The following PUM2 variants were observed in gnomAD, a reference collection of about 807,000 sequenced individuals.
PUM2 encodes the protein pumilio RNA binding family member 2, also known as pumilio homolog 2.
PUM2 carries 57 observed loss-of-function variants against 124.5 expected under a neutral mutation model. The ratio of observed to expected loss-of-function variants is 0.46; its 90% CI spans 0.37 to 0.57. The LOEUF (loss-of-function observed/expected upper bound fraction) is 0.57. PUM2 is among the 20% of genes least tolerant of loss of function. The probability of loss-of-function intolerance (pLI) is 0.00; values close to 1 mark genes in which losing one functional copy is unlikely to be tolerated. For synonymous variants in PUM2, 460 were observed against 446.1 expected, an observed-to-expected ratio of 1.03 and a Z score of -0.39; for missense variants, 1,065 against 1,290.6, an observed-to-expected ratio of 0.83 and a Z score of 2.68.
Position 20,348,958 on chromosome 2 carries a change from T to C in PUM2, c.-19+1639A>G, listed in dbSNP as rs144464553. Among the ~76,000 whole-genome samples the C allele has an allele frequency of 6.5e-3, 984 of 152,328 alleles. 15 individuals are homozygous for C. Among genetic ancestry groups the C allele is most frequent in the African/African-American group, 0.023 (943 of 41,572 alleles). ...CAAGAAAAAAAGATTCATAAACAAGTATGGAATGCTTGAGAGAAACAAAAT... is the reference window on the plus strand; with the variant it reads ...CAAGAAAAAAAGATTCATAAACAAGCATGGAATGCTTGAGAGAAACAAAAT... On this transcript the variant is annotated intron_variant, in intron 1 of 20. Coordinates refer to ENST00000361078, the MANE Select transcript of PUM2 (RefSeq NM_015317.5).
Position 20,263,224 on chromosome 2 carries a change from C to T in PUM2, c.2194G>A (p.Val732Ile). ...CCATGCTGGTCTTGAGAAAACTCAA[C>T]TATATGTCCAATCAAGTCTCTAAGC... Reference protein sequence around the residue: ...LQLRDLIGHIVEFSQDQHGSR... With the variant: ...LQLRDLIGHIIEFSQDQHGSR... The change falls in exon 14 of 21, where the codon GTT (valine) becomes ATT (isoleucine). Residue 732 changes from valine to isoleucine, a missense_variant. By Grantham distance (29) the Val-to-Ile change is conservative. Transcript: ENST00000361078. 1 of 1,603,130 alleles carries T rather than the reference C, an allele frequency of 6.2e-7. No individual in the cohort carries two copies. The highest frequency in any genetic ancestry group is 8.5e-7 in the Non-Finnish European group (1 of 1,170,024).
intron 12 of PUM2, among the ~76,000 whole-genome samples, chr2:20,280,939 T>C (rs1479037829): frequency 1.3e-5 from 2 of 152,186 alleles, no homozygotes; most frequent in Admixed American, 6.5e-5. Flanking sequence ...AATGGGGTAT[T>C]TAACACTGTT....
intron 13 of PUM2, among the ~76,000 whole-genome samples, chr2:20,264,943 A>C (rs1667286083): frequency 6.6e-6 from 1 of 152,116 alleles, no homozygotes; most frequent in Admixed American, 6.6e-5. Flanking sequence ...TTCCTATTAC[A>C]TAGCATATTA....
rs750896604 is a variant in PUM2 at position 20,248,808 on chromosome 2, T to G, written c.*2777A>C. The G allele has an allele frequency of 6.6e-6, 1 of 152,626 alleles. No individual in the cohort carries two copies. Among genetic ancestry groups the G allele is most frequent in the African/African-American group, 2.4e-5 (1 of 41,454 alleles). The allele number at this position is 152,626 out of a possible 1,614,324, so 9.5% of individuals were successfully genotyped here. ...TACATAATATACAAAGAAGTGAAGT[T>G]AACATTATTTCATATGAACCAATAA... On this transcript the variant is annotated 3_prime_UTR_variant, in exon 21 of 21. Coordinates refer to ENST00000361078, the MANE Select transcript of PUM2 (RefSeq NM_015317.5).
intron 1 of PUM2, chr2:20,350,115 C>T (rs1360980726): frequency 1.3e-5 from 2 of 152,264 alleles, no homozygotes; most frequent in Non-Finnish European, 2.9e-5. Context: ...ATACCCACAT[C>T]TGTCCACGGC....
At chr2:20,270,747 A>T (rs1668837687) in intron 13 of PUM2, among the ~76,000 whole-genome samples, 1 of 152,198 alleles carries the variant, frequency 6.6e-6, no homozygotes, top group South Asian at 2.1e-4. Context: ...CTTACTCAAT[A>T]ATAAATTCAT....
intron 5 of PUM2, 90 bp from the exon 6 acceptor site, chr2:20,308,674 G>T: frequency 7.7e-7 from 1 of 1,295,886 alleles, no homozygotes; most frequent in Non-Finnish European, 1.1e-6. Context: ...AAAACAAATG[G>T]TCATAAAACA....
chr2:20,255,074 C>A, intron 18 of PUM2, 90 bp from the exon 19 acceptor site: 2 of 1,504,328 alleles, frequency 1.3e-6, no homozygotes, highest in Non-Finnish European at 1.8e-6. Context: ...ATCTAAAAAT[C>A]CAGTAGGATA....
chr2:20,311,355 A>T, intron 5 of PUM2, 139 bp downstream of exon 5: 2 of 1,045,704 alleles, frequency 1.9e-6, no homozygotes, highest in Non-Finnish European at 2.6e-6. Flanking sequence ...TATAGTAAAA[A>T]ACTAAAATTT....
rs1224820342 is a variant in PUM2, at chr2:20,254,874, G to C, written c.2859C>G (p.His953Gln). 1.2e-6 allele frequency: 2 copies of C among 1,613,186 alleles called. No individual in the cohort carries two copies. Among genetic ancestry groups the C allele is most frequent in the Non-Finnish European group, 1.7e-6 (2 of 1,179,728 alleles). ...AAGTATTACAATACCTGGCAAATTT[G>C]TGTTGACTCAGGGCTAAAACCTTTC... ...IRGKVLALSQ[H>Q]KFASNVVEKC... Residue 953 changes from histidine (H) to glutamine (Q), a missense_variant, in exon 19 of 21, where the codon CAC becomes CAG. His to Gln is a conservative substitution (Grantham distance 24). This residue lies in a region of PUM2 where 968 missense variants were observed against 1,159.8 expected (regional missense o/e 0.83). Coordinates refer to ENST00000361078, the MANE Select transcript of PUM2 (RefSeq NM_015317.5).
At chr2:20,320,964 C>T (rs1419765666) in intron 2 of PUM2, among the ~76,000 whole-genome samples, 1 of 151,990 alleles carries the variant, frequency 6.6e-6, no homozygotes. Flanking sequence ...GTCTCAGTAT[C>T]AAAATAATAA....
intron 14 of PUM2, 140 bp from the exon 15 acceptor site, chr2:20,260,606 CA>C (rs1665945481): frequency 9.3e-6 from 6 of 645,224 alleles, no homozygotes; most frequent in Non-Finnish European, 2.3e-6. Context: ...TAACTTACAG[CA>C]AAAAGGACAA....
intron 10 of PUM2, among the ~76,000 whole-genome samples, chr2:20,288,995 T>A (rs1381403954): frequency 3.3e-5 from 5 of 152,118 alleles, no homozygotes; most frequent in African/African-American, 9.7e-5. Flanking sequence ...GTAATCCACT[T>A]TAAGACATGT....
In PUM2 at chr2:20,308,057, A is replaced by G; in HGVS notation, c.804T>C (p.Thr268=). 6.2e-7 allele frequency: 1 copy of G among 1,612,320 alleles called. No homozygotes were observed. Residue 268 remains threonine (T), a synonymous_variant, in exon 7 of 21, where the codon ACT becomes ACC. Coordinates refer to ENST00000361078, the MANE Select transcript of PUM2 (RefSeq NM_015317.5). ...YNSQQQLFQR[T]NALTVQQLTA... ...TTAACTGTTGAACTGTTAGTGCATT[A>G]GTCCTCTGAAAGAGCTATTAGGGAA...
chr2:20,293,000 A>C (rs1674588120), intron 9 of PUM2, among the ~76,000 whole-genome samples: 1 of 152,236 alleles, frequency 6.6e-6, no homozygotes, highest in Non-Finnish European at 1.5e-5. Context: ...TTCGGCAAAT[A>C]AATTCGAATT....
At chr2:20,284,682 A>AT (rs1486646113) in intron 10 of PUM2, among the ~76,000 whole-genome samples, 2 of 152,170 alleles carry the variant, frequency 1.3e-5, no homozygotes, top group Admixed American at 1.3e-4. Context: ...TCCAACATCA[A>AT]TTTTTAAGTC....
intron 2 of PUM2, among the ~76,000 whole-genome samples, chr2:20,326,097 C>T (rs1683607280): frequency 6.6e-6 from 1 of 152,138 alleles, no homozygotes; most frequent in Non-Finnish European, 1.5e-5. Flanking sequence ...TTGCCAATAG[C>T]ATAAATAATG....
intron 3 of PUM2, among the ~76,000 whole-genome samples, chr2:20,315,363 C>A (rs1322883177): frequency 6.6e-6 from 1 of 152,130 alleles, no homozygotes; most frequent in East Asian, 1.9e-4. Context: ...AAGTCTCCTG[C>A]AGTCATGGAA....
intron 15 of PUM2, among the ~76,000 whole-genome samples, chr2:20,259,006 C>A (rs11902769): frequency 2.0e-5 from 3 of 151,956 alleles, no homozygotes; most frequent in Admixed American, 1.3e-4. Flanking sequence ...CTTAGCCATA[C>A]GTTGACCACC....
Sources: allele counts gnomAD v4.1 joint callset (sites outside exome capture counted in the v4.1 genomes callset), GRCh38; gene constraint gnomAD v4.1.1; regional missense constraint gnomAD v4.1.1; transcripts MANE v1.5; gene names NCBI Gene and HGNC (gene_info 2026-07-23, HGNC 2026-07-21).